Variants in ATP2B1 observed in about 807,000 individuals in gnomAD.
The protein encoded by ATP2B1 is plasma membrane calcium-transporting ATPase 1.
Under a neutral mutation model 124.2 loss-of-function variants are expected in ATP2B1, and 14 were observed. That is an observed-to-expected ratio of 0.11 (90% CI 0.07 to 0.18). The LOEUF is 0.18. Ranked by LOEUF, ATP2B1 falls within the 10% of genes least tolerant of loss-of-function variation. ATP2B1 has a pLI of 1.00. For missense variants in ATP2B1, 763 were observed against 1,466.1 expected, an observed-to-expected ratio of 0.52 and a Z score of 7.83; for synonymous variants, 449 against 492.4, an observed-to-expected ratio of 0.91 and a Z score of 1.17.
chr12:89,612,704 T>C (rs938515491), intron 12 of ATP2B1, among the ~76,000 whole-genome samples: 1 of 152,224 alleles, frequency 6.6e-6, no homozygotes, highest in African/African-American at 2.4e-5. Flanking sequence ...TGGAGCTTTC[T>C]TGGTCTACCT....
chr12:89,629,375 T>G (rs1189691766), intron 6 of ATP2B1, among the ~76,000 whole-genome samples: 1 of 152,144 alleles, frequency 6.6e-6, no homozygotes, highest in African/African-American at 2.4e-5. Context: ...TGTAAAACAT[T>G]CAATAAATGG....
intron 12 of ATP2B1, among the ~76,000 whole-genome samples, chr12:89,612,723 C>T (rs972421562): frequency 6.6e-6 from 1 of 152,194 alleles, no homozygotes; most frequent in Non-Finnish European, 1.5e-5. Flanking sequence ...CTAGACAAAA[C>T]TGCACCTTCA....
chr12:89,649,146 G>A (rs1321019520), intron 2 of ATP2B1, among the ~76,000 whole-genome samples: 2 of 152,260 alleles, frequency 1.3e-5, no homozygotes, highest in Admixed American at 6.5e-5. Flanking sequence ...CACCCACAAA[G>A]TCCCCCCACT....
At position 89,598,895 on chromosome 12, in the gene ATP2B1, G is replaced by C. The variant is rs959417270; in HGVS notation, c.3351+222C>G. ...AGCATTTTGAGATGAAGTGGGGGAT[G>C]GGGGAGCTAGGAAAAAAGGAGCTTA... On this transcript the variant is annotated intron_variant, in intron 20 of 20. Transcript: ENST00000428670. 3 of 1,075,576 alleles carry C rather than the reference G, an allele frequency of 2.8e-6. No individual in the cohort carries two copies. In the African/African-American group the frequency reaches 4.8e-5, roughly 17 times the overall value. The allele number at this position is 1,075,576 out of a possible 1,614,324, so 66.6% of individuals were successfully genotyped here.
intron 1 of ATP2B1, among the ~76,000 whole-genome samples, chr12:89,689,999 A>G (rs960584571): frequency 1.3e-5 from 2 of 152,096 alleles, no homozygotes; most frequent in African/African-American, 4.8e-5. Flanking sequence ...ACTTTTCTAT[A>G]GTTTAGGCAT....
At chr12:89,696,027 T>C (rs917490308) in intron 1 of ATP2B1, among the ~76,000 whole-genome samples, 3 of 152,192 alleles carry the variant, frequency 2.0e-5, no homozygotes, top group African/African-American at 7.2e-5. Context: ...TCAAGAATCA[T>C]TAACAACCTC....
At chr12:89,657,226 A>G (rs972675753) in intron 1 of ATP2B1, among the ~76,000 whole-genome samples, 1 of 152,172 alleles carries the variant, frequency 6.6e-6, no homozygotes, top group African/African-American at 2.4e-5. Context: ...TCTACCTTTG[A>G]AAAGTCTCTT....
In ATP2B1 at chr12:89,603,428, C is replaced by G; in HGVS notation, c.2849-174G>C. On this transcript the variant is annotated intron_variant, in intron 17 of 20. Transcript: ENST00000428670. The surrounding 1 kb of genome is among the most constrained non-coding windows in gnomAD (Gnocchi z 4.3). ...CTCTCTTGTTTTATAGGCAAGGAAA[C>G]AGAAGCTCCCAAAACTATGGTGATA... 1.5e-6 allele frequency: 1 copy of G among 658,670 alleles called. No individual in the cohort carries two copies. The highest frequency in any genetic ancestry group is 2.5e-6 in the Non-Finnish European group (1 of 395,534). 40.8% of individuals were successfully genotyped at this position (658,670 alleles called of 1,614,324 possible).
chr12:89,610,415 A>C lies in ATP2B1; in HGVS notation c.2335+6T>G. On this transcript the variant is annotated splice_donor_region_variant and intron_variant, in intron 14 of 20. Transcript: ENST00000428670. ...AAATTGTGAAATAACTGAAAAATCT[A>C]CTTACCTTTAACCAGTGTATGCTTA... 4.3e-6 allele frequency: 7 copies of C among 1,609,836 alleles called. No homozygotes were observed. The highest frequency in any genetic ancestry group is 5.1e-6 in the Non-Finnish European group (6 of 1,177,868).
intron 2 of ATP2B1, among the ~76,000 whole-genome samples, chr12:89,643,417 A>G (rs1025139058): frequency 6.6e-6 from 1 of 152,284 alleles, no homozygotes; most frequent in Middle Eastern, 3.4e-3. Context: ...CTTCTCTACT[A>G]AAATGTCTCT....
At chr12:89,604,099 T>C (rs1333574220) in intron 16 of ATP2B1, 56 bp downstream of exon 16, 2 of 1,529,162 alleles carry the variant, frequency 1.3e-6, no homozygotes, top group African/African-American at 1.4e-5. Context: ...AAGAGGCATT[T>C]AATATACTTT....
intron 1 of ATP2B1, among the ~76,000 whole-genome samples, chr12:89,674,592 G>T (rs753233640): frequency 1.2e-4 from 19 of 152,184 alleles, no homozygotes; most frequent in Non-Finnish European, 2.4e-4. Flanking sequence ...GATTATTAAT[G>T]ATGATGGTAA....
At chr12:89,683,984 T>C (rs911559790) in intron 1 of ATP2B1, among the ~76,000 whole-genome samples, 1 of 151,992 alleles carries the variant, frequency 6.6e-6, no homozygotes, top group Non-Finnish European at 1.5e-5. Context: ...AATGGCCAAA[T>C]ACCATACAGC....
At chr12:89,636,956 C>A (rs1882808975) in intron 3 of ATP2B1, among the ~76,000 whole-genome samples, 1 of 152,176 alleles carries the variant, frequency 6.6e-6, no homozygotes, top group Non-Finnish European at 1.5e-5. Flanking sequence ...GAATGACTCT[C>A]CCCGCTCCAT....
intron 1 of ATP2B1, among the ~76,000 whole-genome samples, chr12:89,661,000 ATCCATGACTGGT>A (rs1440787714): frequency 6.6e-6 from 1 of 152,170 alleles, no homozygotes; most frequent in Non-Finnish European, 1.5e-5. Context: ...AAGGGTCTTA[ATCCATGACTGGT>A]TCTATATGAG....
intron 2 of ATP2B1, among the ~76,000 whole-genome samples, chr12:89,653,353 G>A (rs1440392759): frequency 1.4e-5 from 2 of 147,844 alleles, no homozygotes; most frequent in Non-Finnish European, 1.5e-5. Context: ...GCGGACTGCA[G>A]TGGCGCAATC....
chr12:89,638,726 ATGAT>A (rs1252844128), intron 3 of ATP2B1, among the ~76,000 whole-genome samples: 1 of 152,196 alleles, frequency 6.6e-6, no homozygotes, highest in Non-Finnish European at 1.5e-5. Flanking sequence ...TTACTGCAGT[ATGAT>A]TGATAAAACT....
At chr12:89,707,789 G>C (rs1051231273) in intron 1 of ATP2B1, among the ~76,000 whole-genome samples, 3 of 152,130 alleles carry the variant, frequency 2.0e-5, no homozygotes, top group African/African-American at 7.2e-5. Context: ...CCGCGGCGCA[G>C]AACCAGGGGT....
rs778671196 is a variant in ATP2B1, at chr12:89,619,962, A to T, written c.1829+37T>A. 5.6e-6 allele frequency: 9 copies of T among 1,607,604 alleles called. No individual in the cohort carries two copies. In the Admixed American group the frequency reaches 1.5e-4, roughly 27 times the overall value. ...AGTAGATACTCCATAAAGCAACTAT[A>T]GTCAGCAATTTATTCATCCAAGCAT... On this transcript the variant is annotated intron_variant, in intron 11 of 20. Transcript: ENST00000428670.
Sources: gnomAD v4.1 joint callset for allele counts (sites outside exome capture counted in the v4.1 genomes callset) on GRCh38, gnomAD v4.1.1 for gene constraint, Gnocchi (gnomAD v3.1) non-coding constraint, MANE v1.5 for transcripts, NCBI Gene and HGNC (gene_info 2026-07-23, HGNC 2026-07-21) for gene names.